The following PDE10A variants were observed in gnomAD, a reference collection of about 807,000 sequenced individuals.
PDE10A encodes the protein phosphodiesterase 10A.
A neutral mutation model predicts 97.7 loss-of-function variants in PDE10A; 39 were observed. The observed-to-expected ratio is 0.40, with a 90% confidence interval of 0.31 to 0.52. The LOEUF (loss-of-function observed/expected upper bound fraction) is 0.52. Ranked by LOEUF, PDE10A falls within the 20% of genes least tolerant of loss-of-function variation. PDE10A has a pLI of 0.56. For synonymous variants in PDE10A, 371 were observed against 376.8 expected (o/e 0.98, Z 0.18); for missense variants, 731 against 1,047.8 (o/e 0.70, Z 4.17).
At chr6:165,557,324 C>G (rs919433522) in intron 1 of PDE10A, among the ~76,000 whole-genome samples, 1 of 152,104 alleles carries the variant, frequency 6.6e-6, no homozygotes, top group Non-Finnish European at 1.5e-5. Context: ...GACTTATATA[C>G]CGATTCATAA....
At position 165,336,114 on chromosome 6, in the gene PDE10A, A is replaced by C. The variant is rs1781629674; in HGVS notation, c.3065+9T>G. ...ACAATATTTTTACGGCTTGAACCAT[A>C]GTACATACCTGCATGCTTTCAGAAG... On this transcript the variant is annotated intron_variant, in intron 21 of 21. Transcript: ENST00000539869. 1 of 1,593,792 alleles carries C rather than the reference A, an allele frequency of 6.3e-7. No homozygotes were observed. The highest frequency in any genetic ancestry group is 8.6e-7 in the Non-Finnish European group (1 of 1,161,824).
At chr6:165,730,473 C>T (rs1220951155) in intron 1 of PDE10A, among the ~76,000 whole-genome samples, 3 of 152,148 alleles carry the variant, frequency 2.0e-5, no homozygotes, top group Admixed American at 6.5e-5. Flanking sequence ...ATGACAAGGC[C>T]GGGAGAGGTG....
chr6:165,664,207 C>T (rs1562671801), upstream of PDE10A, among the ~76,000 whole-genome samples: 1 of 152,152 alleles, frequency 6.6e-6, no homozygotes, highest in Admixed American at 6.5e-5. Flanking sequence ...CTGGGTTGAC[C>T]CAGGGCCCTG....
chr6:165,337,764 T>C (rs555095482), intron 20 of PDE10A, among the ~76,000 whole-genome samples: 34 of 152,298 alleles, frequency 2.2e-4, no homozygotes, highest in African/African-American at 8.2e-4. Context: ...GCAAAACCCA[T>C]ATGCTGACAG....
chr6:165,563,885 T>G (rs1342028587), intron 1 of PDE10A, among the ~76,000 whole-genome samples: 1 of 143,338 alleles, frequency 7.0e-6, no homozygotes, highest in Non-Finnish European at 1.5e-5. Flanking sequence ...AGGGAGACTG[T>G]CTCAAAAAAA....
chr6:165,730,444 A>G (rs1273272081), intron 1 of PDE10A, among the ~76,000 whole-genome samples: 2 of 152,180 alleles, frequency 1.3e-5, no homozygotes, highest in Non-Finnish European at 2.9e-5. Context: ...AAATGCAAGC[A>G]TATGTCCAAT....
chr6:165,940,337 A>G (rs572022193), intron 1 of PDE10A: 1 of 152,266 alleles, frequency 6.6e-6, no homozygotes, highest in African/African-American at 2.4e-5. Flanking sequence ...CATGCAGTGG[A>G]AACTAATCAA....
chr6:165,679,872 G>A (rs1488566260), intron 1 of PDE10A, among the ~76,000 whole-genome samples: 3 of 152,114 alleles, frequency 2.0e-5, no homozygotes, highest in Non-Finnish European at 4.4e-5. Flanking sequence ...CCCATGGTGG[G>A]CACTGCTGGC....
chr6:165,378,736 C>A (rs1019729003), intron 18 of PDE10A, among the ~76,000 whole-genome samples: 6 of 152,220 alleles, frequency 3.9e-5, no homozygotes, highest in Non-Finnish European at 8.8e-5. Flanking sequence ...ACCCTTGTGA[C>A]TGCCTAATAC....
intron 1 of PDE10A, among the ~76,000 whole-genome samples, chr6:165,764,351 T>C (rs746301909): frequency 6.6e-6 from 1 of 152,332 alleles, no homozygotes; most frequent in Non-Finnish European, 1.5e-5. Context: ...TGGTTTTTAA[T>C]ATATCCTAGT....
At chr6:165,893,516 T>C (rs2128482740) in intron 1 of PDE10A, among the ~76,000 whole-genome samples, 1 of 152,316 alleles carries the variant, frequency 6.6e-6, no homozygotes, top group Middle Eastern at 3.4e-3. Flanking sequence ...AGAAGTTAAT[T>C]AATTTGACGG....
intron 1 of PDE10A, among the ~76,000 whole-genome samples, chr6:165,596,445 T>A (rs1786600231): frequency 6.6e-6 from 1 of 152,190 alleles, no homozygotes; most frequent in African/African-American, 2.4e-5. Flanking sequence ...AACTCTTCAA[T>A]GAACCAGGTG....
chr6:165,455,156 T>C (rs6919758), intron 3 of PDE10A, among the ~76,000 whole-genome samples: 4,243 of 152,234 alleles, frequency 0.028, 200 homozygotes, highest in African/African-American at 0.095. Flanking sequence ...TTATTATTAT[T>C]ATCTTGAGAC....
At chr6:165,559,058 A>C (rs1414962691) in intron 1 of PDE10A, among the ~76,000 whole-genome samples, 1 of 152,264 alleles carries the variant, frequency 6.6e-6, no homozygotes, top group Admixed American at 6.5e-5. Flanking sequence ...GAAACTGGTG[A>C]CAAATTATAG....
intron 1 of PDE10A, among the ~76,000 whole-genome samples, chr6:165,859,066 T>C (rs573549602): frequency 2.6e-4 from 39 of 152,286 alleles, no homozygotes; most frequent in African/African-American, 8.7e-4. Context: ...AGGGAAAATA[T>C]AAGATTAGGT....
chr6:165,602,188 C>T (rs938460247), intron 1 of PDE10A, among the ~76,000 whole-genome samples: 1 of 152,180 alleles, frequency 6.6e-6, no homozygotes, highest in African/African-American at 2.4e-5. Context: ...GCTGCAACCT[C>T]AGGCACAGGT....
chr6:165,542,000 C>A (rs1159751157), intron 2 of PDE10A, among the ~76,000 whole-genome samples: 2 of 152,122 alleles, frequency 1.3e-5, no homozygotes, highest in Non-Finnish European at 2.9e-5. Flanking sequence ...ACTTCTAACA[C>A]CATAACATTT....
At chr6:165,752,765 G>C (rs1793036588) in intron 1 of PDE10A, among the ~76,000 whole-genome samples, 1 of 152,112 alleles carries the variant, frequency 6.6e-6, no homozygotes, top group Non-Finnish European at 1.5e-5. Context: ...CTCATGTATT[G>C]GTTTCTTAGA....
At chr6:165,872,669 G>GT (rs1781235932) in intron 1 of PDE10A, among the ~76,000 whole-genome samples, 4 of 151,762 alleles carry the variant, frequency 2.6e-5, no homozygotes, top group African/African-American at 9.7e-5. Flanking sequence ...TGTTGTTGTT[G>GT]TTTGTTTTGT....
Sources: gnomAD v4.1 joint callset for allele counts (sites outside exome capture counted in the v4.1 genomes callset) on GRCh38, gnomAD v4.1.1 for gene constraint, MANE v1.5 for transcripts, NCBI Gene and HGNC (gene_info 2026-07-23, HGNC 2026-07-21) for gene names.